The following EPN3 variants were observed in gnomAD, a reference collection of about 807,000 sequenced individuals.
EPN3 encodes epsin 3, also known as epsin-3.
EPN3 carries 56 observed loss-of-function variants against 55.5 expected under a neutral mutation model. The observed-to-expected ratio is 1.01, with a 90% confidence interval of 0.81 to 1.26. The LOEUF is 1.26. Ranked by LOEUF, EPN3 falls within the 50% of genes most tolerant of loss-of-function variation. The pLI is 0.00. For missense variants in EPN3, 927 were observed against 853.4 expected (o/e 1.09, Z -1.07); for synonymous variants, 449 against 375.2 (o/e 1.20, Z -2.27).
intron 2 of EPN3, 57 bp from the exon 3 acceptor site, chr17:50,538,022 G>C (rs2034789483): frequency 7.2e-7 from 1 of 1,388,338 alleles, no homozygotes; most frequent in Non-Finnish European, 1.0e-6. Context: ...GGCAGGCAGA[G>C]GGGTGTGGGA....
In EPN3 at chr17:50,532,752, T is replaced by C. The variant is rs548125982; in HGVS notation, c.-370T>C. ...CTTTCCTCGGAGTGCTGCCTGGCGC[T>C]GGCTAGGAGGCAAACGCACGCGGGA... On this transcript the variant is annotated 5_prime_UTR_variant, in exon 1 of 10. Coordinates refer to ENST00000268933, the MANE Select transcript of EPN3 (RefSeq NM_017957.3). The C allele has an allele frequency of 1.3e-3, 711 of 530,404 alleles. 2 individuals are homozygous for C. Among genetic ancestry groups the C allele is most frequent in the Non-Finnish European group, 1.9e-3 (621 of 330,934 alleles). 32.9% of individuals were successfully genotyped at this position (530,404 alleles called of 1,614,324 possible).
At position 50,542,190 on chromosome 17, in the gene EPN3, C is replaced by A; in HGVS notation, c.*33C>A. On this transcript the variant is annotated 3_prime_UTR_variant, in exon 10 of 10. Coordinates refer to ENST00000268933, the MANE Select transcript of EPN3 (RefSeq NM_017957.3). Reference sequence around the variant, plus strand: ...CCCGTCCCATACCGGCCTGCGCCTGCGCCGGACGCTCCGCGGCCCCGCCTC... The same window carrying A: ...CCCGTCCCATACCGGCCTGCGCCTGAGCCGGACGCTCCGCGGCCCCGCCTC... The A allele has an allele frequency of 2.8e-6, 4 of 1,439,148 alleles. No individual in the cohort carries two copies. The highest frequency in any genetic ancestry group is 1.8e-6 in the Non-Finnish European group (2 of 1,106,248). The allele number at this position is 1,439,148 out of a possible 1,614,324, so 89.1% of individuals were successfully genotyped here.
At chr17:50,539,023 C>T in intron 4 of EPN3, 59 bp downstream of exon 4, 7 of 1,548,124 alleles carry the variant, frequency 4.5e-6, no homozygotes, top group Non-Finnish European at 6.1e-6. Flanking sequence ...GGAGGTGCTT[C>T]AGGGCACTAA....
rs776873627 is a variant in EPN3 at position 50,537,072 on chromosome 17, C to T, written c.516C>T (p.Tyr172=). 6.8e-5 allele frequency: 109 copies of T among 1,611,546 alleles called. No homozygotes were observed. Among genetic ancestry groups the T allele is most frequent in the African/African-American group, 9.3e-5 (7 of 75,044 alleles). ...GGCAGCTGGGCTTCAGCCGCCGCTA[C>T]GGCGAGGACTACAGCCGCTCCCGGG... is the stretch of plus-strand genomic sequence containing the variant. ...GSGQLGFSRR[Y]GEDYSRSRGS... Residue 172 remains tyrosine, a synonymous_variant, in exon 2 of 10, where the codon TAC becomes TAT. Coordinates refer to ENST00000268933, the MANE Select transcript of EPN3 (RefSeq NM_017957.3).
In EPN3 at chr17:50,536,958, C is replaced by G. The variant is rs1229871665; in HGVS notation, c.402C>G (p.Leu134=). 6.2e-7 allele frequency: 1 copy of G among 1,613,940 alleles called. No homozygotes were observed. Among genetic ancestry groups the G allele is most frequent in the African/African-American group, 1.3e-5 (1 of 74,942 alleles). The change falls in exon 2 of 10, where the codon CTC becomes CTG. Residue 134 remains leucine, a synonymous_variant. Transcript: ENST00000268933. Reference sequence around the variant, plus strand: ...AGGTCAAGCAGGTGATGGCCCTGCTCAAGGATGAGGAGCGGCTGCGGCAGG... The same window carrying G: ...AGGTCAAGCAGGTGATGGCCCTGCTGAAGGATGAGGAGCGGCTGCGGCAGG... The part of the protein sequence containing the change: ...REKVKQVMAL[L]KDEERLRQER...
intron 5 of EPN3, 47 bp from the exon 6 acceptor site, chr17:50,540,200 C>T (rs1003864000): frequency 2.6e-6 from 4 of 1,517,928 alleles, no homozygotes; most frequent in Non-Finnish European, 3.6e-6. Context: ...TGCCCTCCCT[C>T]CAGGCCCCGC....
intron 8 of EPN3, 21 bp from the exon 9 acceptor site, chr17:50,541,443 G>C: frequency 6.2e-7 from 1 of 1,612,736 alleles, no homozygotes; most frequent in Non-Finnish European, 8.5e-7. Context: ...CCACCAATTA[G>C]CTCTAGCATT....
Position 50,532,948 on chromosome 17 carries a change from T to C in EPN3, c.-174T>C. The C allele has an allele frequency of 7.8e-7, 1 of 1,285,936 alleles. No homozygotes were observed. Among genetic ancestry groups the C allele is most frequent in the Non-Finnish European group, 1.0e-6 (1 of 987,488 alleles). The allele number at this position is 1,285,936 out of a possible 1,614,324, so 79.7% of individuals were successfully genotyped here. A position where few individuals can be genotyped will look rare whatever the true frequency, so the allele number is the denominator to read the frequency against. On this transcript the variant is annotated 5_prime_UTR_variant, in exon 1 of 10. Transcript: ENST00000268933. ...GTCGGAGGGTCACCGCAGAGGCTAC[T>C]CGGGCTGGGGCTGGGGCCGAGGGAG...
rs2034875733 is a variant in EPN3 at position 50,543,577 on chromosome 17, G to A, written c.*1420G>A. 1 of 152,212 alleles carries A rather than the reference G, an allele frequency of 6.6e-6. No homozygotes were observed. The allele number at this position is 152,212 out of a possible 1,614,324, so 9.4% of individuals were successfully genotyped here. A position where few individuals can be genotyped will look rare whatever the true frequency, so the allele number is the denominator to read the frequency against. ...AATGCCACTCCCCTTCCTGAGGTGG[G>A]GGTAGGGGAAGGGAGTCCCACAATG... On this transcript the variant is annotated 3_prime_UTR_variant, in exon 10 of 10. Transcript: ENST00000268933.
At position 50,543,436 on chromosome 17, in the gene EPN3, G is replaced by A. The variant is rs1458542670; in HGVS notation, c.*1279G>A. The A allele has an allele frequency of 6.6e-6, 1 of 152,254 alleles. No individual in the cohort carries two copies. The highest frequency in any genetic ancestry group is 1.5e-5 in the Non-Finnish European group (1 of 68,054). The allele number at this position is 152,254 out of a possible 1,614,324, so 9.4% of individuals were successfully genotyped here. ...ATGCTCCCTGATCACTGGACCACTG[G>A]ACACTGATGTGTCCTCAGTGCTTGG... On this transcript the variant is annotated 3_prime_UTR_variant, in exon 10 of 10. Coordinates refer to ENST00000268933, the MANE Select transcript of EPN3 (RefSeq NM_017957.3).
At chr17:50,535,007 T>C (rs970243761) in intron 1 of EPN3, among the ~76,000 whole-genome samples, 3 of 152,032 alleles carry the variant, frequency 2.0e-5, no homozygotes, top group African/African-American at 7.3e-5. Context: ...GTGGGAGGAA[T>C]GGTGGTGGTC....
chr17:50,534,714 T>G, intron 1 of EPN3: 4 of 938,970 alleles, frequency 4.3e-6, no homozygotes, highest in East Asian at 1.2e-4. Flanking sequence ...TCTTATTCTC[T>G]GGGCCCCCAA....
At chr17:50,540,664 G>T in intron 6 of EPN3, 129 bp from the exon 7 acceptor site, 1 of 1,245,896 alleles carries the variant, frequency 8.0e-7, no homozygotes, top group Admixed American at 2.4e-5. Flanking sequence ...CCTGCTGGGT[G>T]GTCCTGAGGC....
intron 3 of EPN3, 28 bp from the exon 4 acceptor site, chr17:50,538,856 C>G: frequency 6.5e-7 from 1 of 1,541,622 alleles, no homozygotes; most frequent in Admixed American, 1.9e-5. Context: ...GGGTACAGGG[C>G]CAAGTTTACC....
At chr17:50,533,321 C>T (rs1046955109) in intron 1 of EPN3, among the ~76,000 whole-genome samples, 3 of 152,192 alleles carry the variant, frequency 2.0e-5, no homozygotes, top group South Asian at 2.1e-4. Context: ...GGCAGTCCCC[C>T]CTCCCCCATC....
At position 50,539,536 on chromosome 17, in the gene EPN3, G is replaced by A. The variant is rs138246425; in HGVS notation, c.891+221G>A. Reference sequence around the variant, plus strand: ...AAAAGGTTCCTGATTGGAGACCCCCGGATTCGGGTTCTGGATTTGCTGCCA... The same window carrying A: ...AAAAGGTTCCTGATTGGAGACCCCCAGATTCGGGTTCTGGATTTGCTGCCA... On this transcript the variant is annotated intron_variant, in intron 5 of 9. Transcript: ENST00000268933. 3.3e-3 allele frequency among the ~76,000 whole-genome samples: 500 copies of A among 152,288 alleles called. 3 individuals carry two copies. Among genetic ancestry groups the A allele is most frequent in the Middle Eastern group, 0.014 (4 of 294 alleles).
Position 50,542,030 on chromosome 17 carries a change from C to T in EPN3, c.1772C>T (p.Thr591Ile), listed in dbSNP as rs1157617243. The T allele has an allele frequency of 1.3e-6, 2 of 1,596,514 alleles. No homozygotes were observed. The highest frequency in any genetic ancestry group is 1.7e-5 in the Admixed American group (1 of 59,872). Reference sequence around the variant, plus strand: ...CTCAGCAGCGTGCCAGCTGGCTTGACCCTCCCCGCCTCGGTTAGCGTCTTC... The same window carrying T: ...CTCAGCAGCGTGCCAGCTGGCTTGATCCTCCCCGCCTCGGTTAGCGTCTTC... ...LPLSSVPAGL[T>I]LPASVSVFPQ... is the part of the protein sequence containing the mutation. Residue 591 changes from threonine (T) to isoleucine (I), a missense_variant, in exon 10 of 10, where the codon ACC (threonine) becomes ATC (isoleucine). By Grantham distance (89) the Thr-to-Ile change is moderately conservative. Coordinates refer to ENST00000268933, the MANE Select transcript of EPN3 (RefSeq NM_017957.3).
At chr17:50,537,386 G>C in intron 2 of EPN3, 2 of 521,452 alleles carry the variant, frequency 3.8e-6, no homozygotes, top group Middle Eastern at 5.1e-4. Context: ...TTTGGAGTCA[G>C]ATAGCATTCT....
At chr17:50,539,051 A>AC in intron 4 of EPN3, 87 bp downstream of exon 4, 1 of 1,535,476 alleles carries the variant, frequency 6.5e-7, no homozygotes, top group South Asian at 1.2e-5. Flanking sequence ...CTCCCGCTGT[A>AC]CCCGGTGGCC....
Sources: gnomAD v4.1 joint callset for allele counts (sites outside exome capture counted in the v4.1 genomes callset) on GRCh38, gnomAD v4.1.1 for gene constraint, MANE v1.5 for transcripts, NCBI Gene and HGNC (gene_info 2026-07-23, HGNC 2026-07-21) for gene names.